The following KLHL17 variants were observed in gnomAD, a reference collection of about 807,000 sequenced individuals.
KLHL17 encodes the protein kelch like family member 17, also known as kelch-like protein 17.
KLHL17 carries 71 observed loss-of-function variants against 64.6 expected under a neutral mutation model. The ratio of observed to expected loss-of-function variants is 1.10; its 90% CI spans 0.91 to 1.34. The LOEUF (loss-of-function observed/expected upper bound fraction) is 1.34, where lower values mean the gene tolerates loss of function less well. Ranked by LOEUF, KLHL17 falls within the 40% of genes most tolerant of loss-of-function variation. The pLI is 0.00. For missense variants in KLHL17, 1,140 were observed against 935.0 expected (o/e 1.22, Z -2.86); for synonymous variants, 612 against 405.4 (o/e 1.51, Z -6.12).
At position 961,304 on chromosome 1, in the gene KLHL17, AGCGCACGCGGCCCCGGCAGGCTCG is replaced by A. The variant is rs759017101; in HGVS notation, c.122_145del (p.Arg41_Arg48del). The A allele has an allele frequency of 2.6e-6, 4 of 1,517,738 alleles. No individual in the cohort carries two copies. Among genetic ancestry groups the A allele is most frequent in the Non-Finnish European group, 8.8e-7 (1 of 1,140,262 alleles). The allele number at this position is 1,517,738 out of a possible 1,614,324, so 94.0% of individuals were successfully genotyped here. ...CCCGCCTCCTGCAGCCCCGAGGCAG[AGCGCACGCGGCCCCGGCAGGCTCG>A]GCCCGCAGCCCCCATGGAGGGAGCC... On this transcript the variant is annotated inframe_deletion, in exon 2 of 12. Coordinates refer to ENST00000338591, the MANE Select transcript of KLHL17 (RefSeq NM_198317.3).
At position 962,930 on chromosome 1, in the gene KLHL17, G is replaced by C; in HGVS notation, c.1042+13G>C. ...CTTTTTGCTGTGGGTATGGCCCCCC[G>C]CCCGTTTCCCTCTTGCCCTGTGCCT... On this transcript the variant is annotated intron_variant, in intron 6 of 11. Coordinates refer to ENST00000338591, the MANE Select transcript of KLHL17 (RefSeq NM_198317.3). The C allele has an allele frequency of 6.5e-7, 1 of 1,537,970 alleles. No homozygotes were observed. The highest frequency in any genetic ancestry group is 8.7e-7 in the Non-Finnish European group (1 of 1,145,470).
chr1:963,160 G>A lies in KLHL17; in HGVS notation c.1094G>A (p.Arg365His), dbSNP rs748841223. Reference protein sequence around the residue: ...IHGDCEAYDTRTDRWHVVASM... With the variant: ...IHGDCEAYDTHTDRWHVVASM... The stretch of plus-strand genomic sequence containing the variant: ...GGAGACTGTGAGGCCTACGACACGC[G>A]CACCGACCGCTGGCACGTGGTGGCC... The change falls in exon 7 of 12, where the codon CGC (arginine) becomes CAC (histidine). Residue 365 changes from arginine to histidine, a missense_variant. Physicochemically the swap from Arg to His is conservative, Grantham distance 29. Transcript: ENST00000338591. 30 of 1,610,798 alleles carry A rather than the reference G, an allele frequency of 1.9e-5. No homozygotes were observed. Among genetic ancestry groups the A allele is most frequent in the Middle Eastern group, 1.6e-4 (1 of 6,078 alleles).
chr1:964,987 G>A lies in KLHL17; in HGVS notation c.1725G>A (p.Met575Ile). The A allele has an allele frequency of 1.2e-6, 2 of 1,611,116 alleles. No homozygotes were observed. The highest frequency in any genetic ancestry group is 1.7e-5 in the Admixed American group (1 of 59,938). The change falls in exon 12 of 12, where the codon ATG becomes ATA. Residue 575 changes from methionine (M) to isoleucine (I), a missense_variant. Coordinates refer to ENST00000338591, the MANE Select transcript of KLHL17 (RefSeq NM_198317.3). ...GGAGCACGCATGACCTGGTGGCCAT[G>A]GACGGATGGTTGTACGCCGTGGGGG... ...IRRSTHDLVA[M>I]DGWLYAVGGN...
Position 965,665 on chromosome 1 carries a change from G to A in KLHL17, c.*474G>A, listed in dbSNP as rs1347230140. 4.2e-5 allele frequency: 7 copies of A among 164,760 alleles called. No homozygotes were observed. Among genetic ancestry groups the A allele is most frequent in the Non-Finnish European group, 7.8e-5 (6 of 76,618 alleles). 10.2% of individuals were successfully genotyped at this position (164,760 alleles called of 1,614,324 possible). A position where few individuals can be genotyped will look rare whatever the true frequency, so the allele number is the denominator to read the frequency against. Reference sequence around the variant, plus strand: ...TAGTGGGTGCACACGCGTGCACTGGGACCCCACACAGCAATACGAGTCCAA... The same window carrying A: ...TAGTGGGTGCACACGCGTGCACTGGAACCCCACACAGCAATACGAGTCCAA... On this transcript the variant is annotated 3_prime_UTR_variant, in exon 12 of 12. Coordinates refer to ENST00000338591, the MANE Select transcript of KLHL17 (RefSeq NM_198317.3).
intron 8 of KLHL17, 155 bp from the exon 9 acceptor site, chr1:963,765 C>G (rs920485133): frequency 1.6e-5 from 15 of 948,262 alleles, no homozygotes; most frequent in Non-Finnish European, 2.1e-5. Flanking sequence ...AGCCAGGGTC[C>G]TGTGCCCACC....
At position 961,642 on chromosome 1, in the gene KLHL17, G is replaced by C; in HGVS notation, c.381G>C (p.Glu127Asp). 6.2e-7 allele frequency: 1 copy of C among 1,612,734 alleles called. No homozygotes were observed. Among genetic ancestry groups the C allele is most frequent in the Non-Finnish European group, 8.5e-7 (1 of 1,179,860 alleles). Reference sequence around the variant, plus strand: ...CTGTCCCCGCAGATGAGATGAGCGAGAGCCGCCAGACCCACGTGACGCTGC... The same window carrying C: ...CTGTCCCCGCAGATGAGATGAGCGACAGCCGCCAGACCCACGTGACGCTGC... ...FHAMFTNEMS[E>D]SRQTHVTLHD... Residue 127 changes from glutamate to aspartate, a missense_variant, in exon 3 of 12, where the codon GAG (glutamate) becomes GAC (aspartate). Coordinates refer to ENST00000338591, the MANE Select transcript of KLHL17 (RefSeq NM_198317.3).
chr1:962,592 T>C, intron 5 of KLHL17, 112 bp from the exon 6 acceptor site: 2 of 1,521,318 alleles, frequency 1.3e-6, no homozygotes, highest in Non-Finnish European at 1.8e-6. Context: ...CCCCCACCTG[T>C]CTGAAGAAGA....
intron 8 of KLHL17, 161 bp from the exon 9 acceptor site, chr1:963,759 A>G (rs1464072772): frequency 1.1e-6 from 1 of 913,576 alleles, no homozygotes. Context: ...TCAGGCAGCC[A>G]GGGTCCTGTG....
In KLHL17 at chr1:962,392, C is replaced by G. The variant is rs774348621; in HGVS notation, c.749C>G (p.Pro250Arg). ...GTCTCTAGCGACAGCCTGAACGTGCCTTCAGAGGAGGAGGTCTACCGAGCC... is the reference window on the plus strand; with the variant it reads ...GTCTCTAGCGACAGCCTGAACGTGCGTTCAGAGGAGGAGGTCTACCGAGCC... ...ELVSSDSLNV[P>R]SEEEVYRAVL... The change falls in exon 5 of 12, where the codon CCT becomes CGT. Residue 250 changes from proline (P) to arginine (R), a missense_variant. Physicochemically the swap from Pro to Arg is moderately radical, Grantham distance 103. Transcript: ENST00000338591. 1.9e-6 allele frequency: 3 copies of G among 1,612,800 alleles called. No homozygotes were observed. The South Asian group carries it at 3.3e-5, about 18-fold the overall frequency.
intron 1 of KLHL17, 67 bp downstream of exon 1, chr1:960,867 C>G: frequency 1.0e-6 from 1 of 964,730 alleles, no homozygotes; most frequent in Non-Finnish European, 1.2e-6. Context: ...CCCTCGCGTC[C>G]GCTCGCAGAA....
chr1:962,107 T>C lies in KLHL17; in HGVS notation c.711+60T>C, dbSNP rs750280495. 7.6e-6 allele frequency: 11 copies of C among 1,452,356 alleles called. No individual in the cohort carries two copies. The African/African-American group carries it at 8.5e-5, about 11-fold the overall frequency. 90.0% of individuals were successfully genotyped at this position (1,452,356 alleles called of 1,614,324 possible). On this transcript the variant is annotated intron_variant, in intron 4 of 11. Coordinates refer to ENST00000338591, the MANE Select transcript of KLHL17 (RefSeq NM_198317.3). ...CCCACCCCACCCCAGTCTTTGTCTT[T>C]GACTCCCGACCCCGTTTTGTTCCTG...
Position 963,951 on chromosome 1 carries a change from T to C in KLHL17, c.1387T>C (p.Trp463Arg). ...ACGCTACGACCCCCTGACCGGAACG[T>C]GGACGTCCGTCGCTGCCATGAGCAC... ...AERYDPLTGT[W>R]TSVAAMSTRR... Residue 463 changes from tryptophan (W) to arginine (R), a missense_variant, in exon 9 of 12, where the codon TGG (tryptophan) becomes CGG (arginine). Physicochemically the swap from Trp to Arg is moderately radical, Grantham distance 101. Transcript: ENST00000338591. 6.2e-7 allele frequency: 1 copy of C among 1,612,514 alleles called. No individual in the cohort carries two copies. Among genetic ancestry groups the C allele is most frequent in the Non-Finnish European group, 8.5e-7 (1 of 1,179,916 alleles).
At chr1:961,177 C>A in intron 1 of KLHL17, 116 bp from the exon 2 acceptor site, 2 of 726,988 alleles carry the variant, frequency 2.8e-6, no homozygotes, top group Non-Finnish European at 3.6e-6. Context: ...CGAGGGCTGC[C>A]GGCGCCCCCG....
chr1:964,230 C>A (rs764422590), intron 10 of KLHL17, 50 bp downstream of exon 10: 1 of 1,602,800 alleles, frequency 6.2e-7, no homozygotes, highest in Non-Finnish European at 8.5e-7. Context: ...CCGCGGGGCC[C>A]TCCTCCCTCT....
chr1:962,330 C>T, intron 4 of KLHL17, 25 bp from the exon 5 acceptor site: 4 of 1,612,086 alleles, frequency 2.5e-6, no homozygotes, highest in East Asian at 2.2e-5. Context: ...CCCCAGATCT[C>T]AGGTCTGAGG....
rs1642746462 is a variant in KLHL17 at position 963,346 on chromosome 1, G to A, written c.1197G>A (p.Gly399=). The A allele has an allele frequency of 6.2e-7, 1 of 1,609,380 alleles. No homozygotes were observed. The change falls in exon 8 of 12, where the codon GGG becomes GGA. Residue 399 remains glycine (G), a synonymous_variant. Transcript: ENST00000338591. The part of the protein sequence containing the change: ...NRLYAVGGYD[G]TSDLATVESY... Reference sequence around the variant, plus strand: ...GGCTTAATTCCGCTAGCTATGATGGGACCTCAGACCTGGCTACCGTGGAGT... The same window carrying A: ...GGCTTAATTCCGCTAGCTATGATGGAACCTCAGACCTGGCTACCGTGGAGT...
In KLHL17 at chr1:963,189, A is replaced by G. The variant is rs763889183; in HGVS notation, c.1123A>G (p.Met375Val). 18 of 1,608,978 alleles carry G rather than the reference A, an allele frequency of 1.1e-5. No homozygotes were observed. The highest frequency in any genetic ancestry group is 2.2e-5 in the East Asian group (1 of 44,754). The change falls in exon 7 of 12, where the codon ATG (methionine) becomes GTG (valine). Residue 375 changes from methionine (M) to valine (V), a missense_variant. Physicochemically the swap from Met to Val is conservative, Grantham distance 21. Transcript: ENST00000338591. Reference protein sequence around the residue: ...RTDRWHVVASMSTRRARVGVA... With the variant: ...RTDRWHVVASVSTRRARVGVA... ...CGACCGCTGGCACGTGGTGGCCTCCATGTCCACGCGCCGGGCCCGGGTGGG... is the reference window on the plus strand; with the variant it reads ...CGACCGCTGGCACGTGGTGGCCTCCGTGTCCACGCGCCGGGCCCGGGTGGG...
At position 965,000 on chromosome 1, in the gene KLHL17, T is replaced by A; in HGVS notation, c.1738T>A (p.Tyr580Asn). The change falls in exon 12 of 12, where the codon TAC becomes AAC. Residue 580 changes from tyrosine (Y) to asparagine (N), a missense_variant. Physicochemically the swap from Tyr to Asn is moderately radical, Grantham distance 143. Transcript: ENST00000338591. Reference sequence around the variant, plus strand: ...CCTGGTGGCCATGGACGGATGGTTGTACGCCGTGGGGGGTAACGACGGTAG... The same window carrying A: ...CCTGGTGGCCATGGACGGATGGTTGAACGCCGTGGGGGGTAACGACGGTAG... ...HDLVAMDGWL[Y>N]AVGGNDGSSS... 6.2e-7 allele frequency: 1 copy of A among 1,612,276 alleles called. No individual in the cohort carries two copies. The highest frequency in any genetic ancestry group is 8.5e-7 in the Non-Finnish European group (1 of 1,179,608).
rs1489601479 is a variant in KLHL17, at chr1:964,445, G to A, written c.1615G>A (p.Asp539Asn). ...EGALYVAGGN[D>N]GTSCLNSVER... ...TGCCCTGTACGTGGCAGGGGGCAAC[G>A]ACGGCACCAGCTGCCTCAACTCGGT... Residue 539 changes from aspartate to asparagine, a missense_variant, in exon 11 of 12, where the codon GAC becomes AAC. Transcript: ENST00000338591. The A allele has an allele frequency of 4.5e-6, 7 of 1,547,226 alleles. No homozygotes were observed. The highest frequency in any genetic ancestry group is 1.7e-4 in the Middle Eastern group (1 of 5,980).
Sources: allele counts gnomAD v4.1 joint callset, GRCh38; gene constraint gnomAD v4.1.1; transcripts MANE v1.5; gene names NCBI Gene and HGNC (gene_info 2026-07-23, HGNC 2026-07-21).